The following MACROD2 variants were observed in gnomAD, a reference collection of about 807,000 sequenced individuals.
The protein encoded by MACROD2 is ADP-ribose glycohydrolase MACROD2.
MACROD2 carries 36 observed loss-of-function variants against 70.4 expected under a neutral mutation model. The ratio of observed to expected loss-of-function variants is 0.51; its 90% CI spans 0.39 to 0.68. MACROD2 has a LOEUF of 0.68. MACROD2 is among the 30% of genes least tolerant of loss of function. The probability of loss-of-function intolerance (pLI) is 0.00; values close to 1 mark genes in which losing one functional copy is unlikely to be tolerated. For synonymous variants in MACROD2, 172 were observed against 178.8 expected (o/e 0.96, Z 0.30); for missense variants, 496 against 538.4 (o/e 0.92, Z 0.78).
At chr20:14,345,009 T>C (rs543115325) in intron 3 of MACROD2, among the ~76,000 whole-genome samples, 3 of 152,266 alleles carry the variant, frequency 2.0e-5, no homozygotes, top group East Asian at 1.9e-4. Flanking sequence ...GATCATATCT[T>C]ATTAACAAAG....
intron 5 of MACROD2, among the ~76,000 whole-genome samples, chr20:15,068,382 A>C (rs2123100752): frequency 6.6e-6 from 1 of 152,328 alleles, no homozygotes; most frequent in Non-Finnish European, 1.5e-5. Flanking sequence ...TGTGCACAGA[A>C]CAAATGCAGA....
intron 8 of MACROD2, among the ~76,000 whole-genome samples, chr20:15,598,378 G>A (rs1007755045): frequency 2.0e-5 from 3 of 151,944 alleles, no homozygotes; most frequent in African/African-American, 7.3e-5. Flanking sequence ...GCTTTTCTTC[G>A]GGGGATGATG....
intron 8 of MACROD2, among the ~76,000 whole-genome samples, chr20:15,805,191 G>A (rs1213231352): frequency 6.6e-6 from 1 of 152,190 alleles, no homozygotes; most frequent in Non-Finnish European, 1.5e-5. Flanking sequence ...CAAAGGCACA[G>A]TGTGGGTTAG....
At chr20:15,233,318 A>G (rs1342098232) in intron 6 of MACROD2, among the ~76,000 whole-genome samples, 1 of 152,168 alleles carries the variant, frequency 6.6e-6, no homozygotes, top group Non-Finnish European at 1.5e-5. Context: ...TTAGAGTATG[A>G]TAAAAGTACT....
chr20:15,126,889 T>C (rs769999172), intron 5 of MACROD2, among the ~76,000 whole-genome samples: 1 of 152,118 alleles, frequency 6.6e-6, no homozygotes, highest in Non-Finnish European at 1.5e-5. Context: ...TGTTTAGAAA[T>C]TAGGTCAGCA....
intron 6 of MACROD2, among the ~76,000 whole-genome samples, chr20:15,368,574 G>T (rs1286262491): frequency 6.7e-6 from 1 of 150,090 alleles, no homozygotes; most frequent in African/African-American, 2.5e-5. Flanking sequence ...AGATTATCCT[G>T]CCTTAGCCTC....
intron 15 of MACROD2, among the ~76,000 whole-genome samples, chr20:16,029,018 C>T (rs183540639): frequency 6.6e-6 from 1 of 152,304 alleles, no homozygotes; most frequent in African/African-American, 2.4e-5. Context: ...AGTCCAAGAT[C>T]GAGGTGCTGC....
At chr20:16,021,455 C>A (rs962549237) in intron 15 of MACROD2, among the ~76,000 whole-genome samples, 1 of 152,162 alleles carries the variant, frequency 6.6e-6, no homozygotes, top group Non-Finnish European at 1.5e-5. Context: ...GAGGTGGCAT[C>A]GCCTGTCCAG....
At position 14,519,679 on chromosome 20, in the gene MACROD2, C is replaced by G. The variant is rs1216454262; in HGVS notation, c.301+26171C>G. Among the ~76,000 whole-genome samples, 5 of 152,102 alleles carry G rather than the reference C, an allele frequency of 3.3e-5. No homozygotes were observed. In the East Asian group the frequency reaches 5.8e-4, roughly 18 times the overall value. On this transcript the variant is annotated intron_variant, in intron 4 of 17. Transcript: ENST00000684519. ...TGGCGATTCCTCAAAGAGCTAAAAA[C>G]AGAATTACCATTCAACCCAGCAACC...
At chr20:14,266,627 T>A (rs1420515189) in intron 3 of MACROD2, among the ~76,000 whole-genome samples, 2 of 152,204 alleles carry the variant, frequency 1.3e-5, no homozygotes, top group Non-Finnish European at 2.9e-5. Flanking sequence ...GAGTCAATAT[T>A]TTTTATAATA....
rs145278048 is a variant in MACROD2, at chr20:14,573,269, T to C, written c.301+79761T>C. On this transcript the variant is annotated intron_variant, in intron 4 of 17. Coordinates refer to ENST00000684519, the MANE Select transcript of MACROD2 (RefSeq NM_001351661.2). ...TTTATAGGTCTATGGAATTATGTAT[T>C]ATTTTATATAATGTTTGTTTACTAG... 4.1e-4 allele frequency among the ~76,000 whole-genome samples: 63 copies of C among 152,292 alleles called. 1 individual carries two copies. Among genetic ancestry groups the C allele is most frequent in the East Asian group, 5.8e-4 (3 of 5,192 alleles).
chr20:15,187,876 A>T (rs1006520261), intron 5 of MACROD2, among the ~76,000 whole-genome samples: 1 of 152,158 alleles, frequency 6.6e-6, no homozygotes, highest in Admixed American at 6.6e-5. Context: ...GTTCATTTTT[A>T]AAAATTGTTT....
At chr20:14,492,003 A>C (rs920467718) in intron 3 of MACROD2, among the ~76,000 whole-genome samples, 20 of 152,198 alleles carry the variant, frequency 1.3e-4, no homozygotes, top group African/African-American at 4.6e-4. Context: ...ACATGGGTTC[A>C]TCATGAAATT....
intron 5 of MACROD2, among the ~76,000 whole-genome samples, chr20:15,089,214 G>A (rs971498666): frequency 4.6e-5 from 7 of 152,144 alleles, no homozygotes; most frequent in Admixed American, 3.3e-4. Flanking sequence ...AATACAAGGC[G>A]TAATCCACAG....
chr20:15,521,629 G>A (rs1408655133), intron 8 of MACROD2, among the ~76,000 whole-genome samples: 1 of 152,188 alleles, frequency 6.6e-6, no homozygotes, highest in African/African-American at 2.4e-5. Flanking sequence ...GTAAATAACA[G>A]TATGGCACAC....
At chr20:14,003,271 C>T (rs1313476785) in intron 2 of MACROD2, among the ~76,000 whole-genome samples, 1 of 152,136 alleles carries the variant, frequency 6.6e-6, no homozygotes, top group Non-Finnish European at 1.5e-5. Flanking sequence ...AAAGATTAGG[C>T]CTTGGTGTCT....
chr20:14,396,008 G>T (rs1223945697), intron 3 of MACROD2, among the ~76,000 whole-genome samples: 1 of 152,196 alleles, frequency 6.6e-6, no homozygotes, highest in African/African-American at 2.4e-5. Flanking sequence ...TTCCACCTCA[G>T]CCTTCCAAGT....
chr20:14,733,839 A>T (rs1395863169), intron 5 of MACROD2, among the ~76,000 whole-genome samples: 1 of 152,186 alleles, frequency 6.6e-6, no homozygotes, highest in Non-Finnish European at 1.5e-5. Flanking sequence ...AACCGACTTG[A>T]GAATCCAAGG....
At chr20:14,390,817 G>A (rs951878360) in intron 3 of MACROD2, among the ~76,000 whole-genome samples, 1 of 151,978 alleles carries the variant, frequency 6.6e-6, no homozygotes, top group Non-Finnish European at 1.5e-5. Context: ...GCAAAGGACA[G>A]GAATAGACAC....
Sources: allele counts gnomAD v4.1 joint callset (sites outside exome capture counted in the v4.1 genomes callset), GRCh38; gene constraint gnomAD v4.1.1; transcripts MANE v1.5; gene names NCBI Gene and HGNC (gene_info 2026-07-23, HGNC 2026-07-21).